The following SYCE1L variants were observed in gnomAD, a reference collection of about 807,000 sequenced individuals.
SYCE1L encodes the protein synaptonemal complex central element protein 1-like.
A neutral mutation model predicts 39.6 loss-of-function variants in SYCE1L; 51 were observed. That is an observed-to-expected ratio of 1.29 (90% CI 1.03 to 1.63). The LOEUF is 1.63. Among genes scored for constraint, SYCE1L ranks in the 40% most tolerant of loss-of-function variants. SYCE1L has a pLI of 0.00. For missense variants in SYCE1L, 426 were observed against 304.9 expected, an observed-to-expected ratio of 1.40 and a Z score of -2.96; for synonymous variants, 147 against 122.4, an observed-to-expected ratio of 1.20 and a Z score of -1.33.
chr16:77,212,036 A>T, intron 7 of SYCE1L, 94 bp from the exon 8 acceptor site: 2 of 1,318,866 alleles, frequency 1.5e-6, no homozygotes, highest in Non-Finnish European at 2.1e-6. Context: ...GACCTAATGT[A>T]GGTGAAGACT....
At position 77,212,843 on chromosome 16, in the gene SYCE1L, C is replaced by A. The variant is rs1184913041; in HGVS notation, c.655-14C>A. On this transcript the variant is annotated splice_polypyrimidine_tract_variant and intron_variant, in intron 10 of 10. Transcript: ENST00000378644. ...GTAGGAACCTGGTCCGCAGCCTCAC[C>A]CAGCCCCCGGCAGGCCGGACCTGAG... 2.7e-6 allele frequency: 4 copies of A among 1,478,526 alleles called. No homozygotes were observed. Among genetic ancestry groups the A allele is most frequent in the Non-Finnish European group, 3.6e-6 (4 of 1,115,650 alleles). The allele number at this position is 1,478,526 out of a possible 1,614,324, so 91.6% of individuals were successfully genotyped here. A position where few individuals can be genotyped will look rare whatever the true frequency, so the allele number is the denominator to read the frequency against.
At chr16:77,212,399 A>AGGGCAG (rs1289211108) in intron 9 of SYCE1L, 30 bp downstream of exon 9, 1 of 1,524,064 alleles carries the variant, frequency 6.6e-7, no homozygotes, top group East Asian at 2.5e-5. Context: ...GTGGGCGAGG[A>AGGGCAG]GGGCAGGGGC....
intron 4 of SYCE1L, 66 bp downstream of exon 4, chr16:77,208,605 T>C: frequency 6.8e-7 from 1 of 1,464,476 alleles, no homozygotes; most frequent in Non-Finnish European, 9.3e-7. Flanking sequence ...TCAGGGCCTT[T>C]GCACAGGCTG....
At chr16:77,200,282 A>ATG (rs2054722726) in intron 1 of SYCE1L, 1 of 114,212 alleles carries the variant, frequency 8.8e-6, no homozygotes, top group African/African-American at 3.0e-5. Flanking sequence ...GTGTATATAT[A>ATG]TATATATATA....
Position 77,212,170 on chromosome 16 carries a change from A to G in SYCE1L, c.464A>G (p.Glu155Gly). ...QRLAREIRAL[E>G]RSKEQLLSER... Reference sequence around the variant, plus strand: ...CTGGCCCGGGAGATCCGTGCCCTGGAGAGAAGCAAGGAGCAGCTGCTCTCG... The same window carrying G: ...CTGGCCCGGGAGATCCGTGCCCTGGGGAGAAGCAAGGAGCAGCTGCTCTCG... The change falls in exon 8 of 11, where the codon GAG becomes GGG. Residue 155 changes from glutamate to glycine, a missense_variant. By Grantham distance (98) the Glu-to-Gly change is moderately conservative. Transcript: ENST00000378644. The G allele has an allele frequency of 6.5e-7, 1 of 1,549,202 alleles. No individual in the cohort carries two copies. Among genetic ancestry groups the G allele is most frequent in the African/African-American group, 1.4e-5 (1 of 73,046 alleles).
rs61746433 is a variant in SYCE1L, at chr16:77,211,242, T to C, written c.389T>C (p.Leu130Pro). 0.029 allele frequency: 44,420 copies of C among 1,551,910 alleles called. 765 individuals carry two copies. Among genetic ancestry groups the C allele is most frequent in the African/African-American group, 0.046 (3,382 of 73,146 alleles). ...GATGTCAGAGGACAGCTGGAGGATC[T>C]GATGGGCCAGCACAAGGACCTCTGG... ...RLDVRGQLED[L>P]MGQHKDLWEF... The change falls in exon 7 of 11, where the codon CTG (leucine) becomes CCG (proline). Residue 130 changes from leucine to proline, a missense_variant. Physicochemically the swap from Leu to Pro is moderately conservative, Grantham distance 98. Coordinates refer to ENST00000378644, the MANE Select transcript of SYCE1L (RefSeq NM_001129979.3).
intron 7 of SYCE1L, 27 bp from the exon 8 acceptor site, chr16:77,212,102 CG>C: frequency 6.5e-7 from 1 of 1,540,174 alleles, no homozygotes; most frequent in Non-Finnish European, 8.8e-7. Context: ...GACGGCCAAA[CG>C]GGGAGGCCTC....
intron 2 of SYCE1L, among the ~76,000 whole-genome samples, chr16:77,207,358 C>G (rs1336185074): frequency 1.3e-5 from 2 of 152,152 alleles, no homozygotes; most frequent in Admixed American, 1.3e-4. Context: ...GTGTTGGCAA[C>G]CTTGAAGCCA....
At chr16:77,212,786 G>T in intron 10 of SYCE1L, 71 bp from the exon 11 acceptor site, 3 of 1,430,298 alleles carry the variant, frequency 2.1e-6, no homozygotes, top group Non-Finnish European at 2.7e-6. Context: ...CGCGGTGGAG[G>T]CCTAGGGCAG....
chr16:77,212,724 C>T (rs930425829), intron 10 of SYCE1L, 78 bp downstream of exon 10: 25 of 1,448,280 alleles, frequency 1.7e-5, no homozygotes, highest in Middle Eastern at 2.5e-4. Flanking sequence ...TGGGAGCGGC[C>T]CCCGAGAGTG....
intron 6 of SYCE1L, among the ~76,000 whole-genome samples, 181 bp downstream of exon 6, chr16:77,209,652 T>G (rs73632742): frequency 0.042 from 6,352 of 152,348 alleles, 403 homozygotes; most frequent in African/African-American, 0.14. Flanking sequence ...TAAGATTAAT[T>G]TACTCATTTA....
intron 4 of SYCE1L, 95 bp downstream of exon 4, chr16:77,208,634 T>C: frequency 8.3e-7 from 1 of 1,202,424 alleles, no homozygotes; most frequent in Non-Finnish European, 1.2e-6. Context: ...CCTACAATGC[T>C]CTTAGCTCAC....
intron 1 of SYCE1L, chr16:77,200,746 C>CAAAAAAAAAAAAA (rs11344903): frequency 4.0e-4 from 34 of 84,806 alleles, no homozygotes; most frequent in African/African-American, 6.9e-4. Context: ...ACAGAGTGAG[C>CAAAAAAAAAAAAA]AAAAAAAAAA....
chr16:77,212,453 C>T, intron 9 of SYCE1L, 84 bp downstream of exon 9: 2 of 1,538,046 alleles, frequency 1.3e-6, no homozygotes, highest in Non-Finnish European at 8.8e-7. Context: ...CCGCCCCCGA[C>T]TGCCGCTTCC....
At chr16:77,209,200 A>G (rs1253718487) in intron 5 of SYCE1L, 56 bp downstream of exon 5, 17 of 1,536,824 alleles carry the variant, frequency 1.1e-5, no homozygotes, top group Admixed American at 2.0e-5. Flanking sequence ...ACAAAAGTCT[A>G]TGCTCCTCAG....
At chr16:77,200,345 A>C (rs763074949) in intron 1 of SYCE1L, 2 of 147,874 alleles carry the variant, frequency 1.4e-5, no homozygotes, top group Non-Finnish European at 3.0e-5. Context: ...GCAGCTACTC[A>C]GGAAGCTGAG....
intron 2 of SYCE1L, 113 bp downstream of exon 2, chr16:77,206,613 C>T (rs942200356): frequency 9.9e-7 from 1 of 1,012,692 alleles, no homozygotes; most frequent in African/African-American, 1.6e-5. Context: ...ATTGCACTTT[C>T]TCCCTCTTAT....
In SYCE1L at chr16:77,206,174, C is replaced by A. The variant is rs190570230; in HGVS notation, c.62-267C>A. Among the ~76,000 whole-genome samples, 27 of 152,270 alleles carry A rather than the reference C, an allele frequency of 1.8e-4. No homozygotes were observed. The East Asian group carries it at 5.0e-3, about 28-fold the overall frequency. ...CAAACATGCATTCTCTTCTCTCACCCCTGAGTTTCATTAAGGGGATGTTTG... is the reference window on the plus strand; with the variant it reads ...CAAACATGCATTCTCTTCTCTCACCACTGAGTTTCATTAAGGGGATGTTTG... On this transcript the variant is annotated intron_variant, in intron 1 of 10. Transcript: ENST00000378644.
At chr16:77,204,078 A>G (rs911272260) in intron 1 of SYCE1L, among the ~76,000 whole-genome samples, 1 of 152,150 alleles carries the variant, frequency 6.6e-6, no homozygotes, top group African/African-American at 2.4e-5. Context: ...TGGCAAAAAA[A>G]AAAAGAAAAA....
Sources: allele counts gnomAD v4.1 joint callset (sites outside exome capture counted in the v4.1 genomes callset), GRCh38; gene constraint gnomAD v4.1.1; transcripts MANE v1.5; gene names NCBI Gene and HGNC (gene_info 2026-07-23, HGNC 2026-07-21).